Variants in HERC1 observed in about 807,000 individuals in gnomAD.
HERC1 encodes probable E3 ubiquitin-protein ligase HERC1.
HERC1 carries 160 observed loss-of-function variants against 554.3 expected under a neutral mutation model. That is an observed-to-expected ratio of 0.29 (90% CI 0.25 to 0.33). HERC1 has a LOEUF of 0.33. HERC1 is among the 10% of genes least tolerant of loss of function. HERC1 has a pLI of 1.00. For missense variants in HERC1, 4,919 were observed against 5,918.5 expected (o/e 0.83, Z 5.54); for synonymous variants, 2,175 against 2,131.7 (o/e 1.02, Z -0.56).
chr15:63,770,428 C>T lies in HERC1; in HGVS notation c.930+4266G>A, dbSNP rs558141977. Among the ~76,000 whole-genome samples the T allele has an allele frequency of 2.0e-5, 3 of 152,326 alleles. No individual in the cohort carries two copies. In the South Asian group the frequency reaches 6.2e-4, roughly 32 times the overall value. On this transcript the variant is annotated intron_variant, in intron 2 of 77. Coordinates refer to ENST00000443617, the MANE Select transcript of HERC1 (RefSeq NM_003922.4). ...CATTACACTGTGGGCTGTCTAAAGA[C>T]ATGGATGCTCCAAAGCTTATTCATC... is the stretch of plus-strand genomic sequence containing the variant.
In HERC1 at chr15:63,713,657, G is replaced by T; in HGVS notation, c.4159C>A (p.Gln1387Lys). ...ACTTCACGGGCTGAGAGGAAACACT[G>T]AAAGATTTCTGTAACATGCAACACA... ...HEVMTAGKIF[Q>K]CFLSAREVAR... The change falls in exon 23 of 78, where the codon CAG (glutamine) becomes AAG (lysine). Residue 1387 changes from glutamine (Q) to lysine (K), a missense_variant. Coordinates refer to ENST00000443617, the MANE Select transcript of HERC1 (RefSeq NM_003922.4). 6.2e-7 allele frequency: 1 copy of T among 1,608,130 alleles called. No homozygotes were observed. Among genetic ancestry groups the T allele is most frequent in the Admixed American group, 1.7e-5 (1 of 59,232 alleles).
chr15:63,829,559 G>GTATATATATATATATATA (rs1316907768), intron 1 of HERC1, among the ~76,000 whole-genome samples: 1 of 94,678 alleles, frequency 1.1e-5, no homozygotes. Context: ...GTGTGTGTGT[G>GTATATATATATATATATA]TGTATATATA....
rs1226881359 is a variant in HERC1 at position 63,826,811 on chromosome 15, A to T, written c.-27+7016T>A. Among the ~76,000 whole-genome samples, 12 of 66,962 alleles carry T rather than the reference A, an allele frequency of 1.8e-4. 1 individual carries two copies. Among genetic ancestry groups the T allele is most frequent in the South Asian group, 1.2e-3 (3 of 2,494 alleles). 43.9% of individuals were successfully genotyped at this position (66,962 alleles called of 152,430 possible). On this transcript the variant is annotated intron_variant, in intron 1 of 77. Transcript: ENST00000443617. Reference sequence around the variant, plus strand: ...AAAAAAAAAAAAAAAAAAAAAAAAAAAAAATATATATATATATATATATAT... The same window carrying T: ...AAAAAAAAAAAAAAAAAAAAAAAAATAAAATATATATATATATATATATAT...
At chr15:63,660,748 A>T (rs2070313269) in intron 46 of HERC1, among the ~76,000 whole-genome samples, 1 of 152,204 alleles carries the variant, frequency 6.6e-6, no homozygotes, top group Non-Finnish European at 1.5e-5. Context: ...ATAGAAATTA[A>T]TATTCTGTGG....
intron 1 of HERC1, among the ~76,000 whole-genome samples, chr15:63,782,135 C>G (rs1255711791): frequency 6.6e-6 from 1 of 152,182 alleles, no homozygotes; most frequent in Non-Finnish European, 1.5e-5. Flanking sequence ...GAATATCTAC[C>G]TAAGGTAACT....
intron 53 of HERC1, 39 bp downstream of exon 53, chr15:63,651,214 C>T: frequency 6.3e-7 from 1 of 1,598,476 alleles, no homozygotes; most frequent in Non-Finnish European, 8.5e-7. Flanking sequence ...CTTTAAAAAA[C>T]TACTTTCAGC....
intron 42 of HERC1, 135 bp from the exon 43 acceptor site, chr15:63,664,729 A>G (rs1461756755): frequency 2.8e-6 from 2 of 721,730 alleles, no homozygotes; most frequent in Non-Finnish European, 4.4e-6. Context: ...TTTGAAACAC[A>G]TCTTTATCCC....
chr15:63,690,578 G>A lies in HERC1; in HGVS notation c.5900C>T (p.Ala1967Val). The A allele has an allele frequency of 6.2e-7, 1 of 1,613,092 alleles. No individual in the cohort carries two copies. Among genetic ancestry groups the A allele is most frequent in the Non-Finnish European group, 8.5e-7 (1 of 1,179,266 alleles). Residue 1967 changes from alanine to valine, a missense_variant, in exon 32 of 78, where the codon GCT becomes GTT. Physicochemically the swap from Ala to Val is moderately conservative, Grantham distance 64. Around this residue, in one of 11 missense-constraint regions of HERC1, gnomAD observed 1,121 missense variants for 1,244.0 expected, o/e 0.90. Coordinates refer to ENST00000443617, the MANE Select transcript of HERC1 (RefSeq NM_003922.4). Reference sequence around the variant, plus strand: ...ATCATCTTCTACACCAGATTCACAAGCTGGCAGCACAGCTTCAAGGACATG... The same window carrying A: ...ATCATCTTCTACACCAGATTCACAAACTGGCAGCACAGCTTCAAGGACATG... The part of the protein sequence containing the change: ...ALHVLEAVLP[A>V]CESGVEDDQM...
chr15:63,807,032 C>T (rs189970091), intron 1 of HERC1, among the ~76,000 whole-genome samples: 3 of 152,362 alleles, frequency 2.0e-5, no homozygotes, highest in Admixed American at 6.5e-5. Flanking sequence ...AGGCATGAGC[C>T]ACCACACCCG....
intron 16 of HERC1, 124 bp downstream of exon 16, chr15:63,729,112 T>C (rs1039779112): frequency 1.1e-5 from 10 of 893,478 alleles, no homozygotes; most frequent in African/African-American, 8.5e-5. Flanking sequence ...AAAGGAATCT[T>C]CAATAGAAGG....
At chr15:63,711,870 T>C (rs1178604469) in intron 24 of HERC1, among the ~76,000 whole-genome samples, 2 of 152,162 alleles carry the variant, frequency 1.3e-5, no homozygotes, top group Non-Finnish European at 2.9e-5. Flanking sequence ...AGGGAGGTCA[T>C]AGCACATATA....
In HERC1 at chr15:63,645,615, C is replaced by A. The variant is rs1290690194; in HGVS notation, c.10946G>T (p.Ser3649Ile). ...CGAAATAGAGCCCCAGAGTTTCACA[C>A]TGTCTTCTTTGGCACATGTCATAAG... is the stretch of plus-strand genomic sequence containing the variant. ...HILMTCAKED[S>I]VKLWGSISGC... Residue 3649 changes from serine (S) to isoleucine (I), a missense_variant, in exon 56 of 78, where the codon AGT (serine) becomes ATT (isoleucine). Transcript: ENST00000443617. 6.2e-7 allele frequency: 1 copy of A among 1,612,390 alleles called. No homozygotes were observed. The highest frequency in any genetic ancestry group is 1.7e-5 in the Admixed American group (1 of 59,824).
intron 25 of HERC1, 76 bp downstream of exon 25, chr15:63,706,703 AT>A: frequency 1.3e-6 from 1 of 792,338 alleles, no homozygotes; most frequent in Non-Finnish European, 1.9e-6. Flanking sequence ...TTCTTAATTT[AT>A]TTACTATGCT....
At chr15:63,684,764 T>C (rs1013741488) in intron 34 of HERC1, among the ~76,000 whole-genome samples, 1 of 152,166 alleles carries the variant, frequency 6.6e-6, no homozygotes, top group Non-Finnish European at 1.5e-5. Flanking sequence ...TCCCAGCACT[T>C]TGGGAAGCCA....
chr15:63,833,396 G>T, intron 1 of HERC1, among the ~76,000 whole-genome samples: 1 of 152,136 alleles, frequency 6.6e-6, no homozygotes, highest in East Asian at 1.9e-4. Flanking sequence ...ACCCTGAGAG[G>T]GAGTCGGCCG....
At chr15:63,697,391 C>T (rs941718265) in intron 26 of HERC1, among the ~76,000 whole-genome samples, 1 of 150,902 alleles carries the variant, frequency 6.6e-6, no homozygotes, top group African/African-American at 2.4e-5. Context: ...AAGAATACCA[C>T]ATAAAGTGTT....
At chr15:63,831,477 T>C (rs982940050) in intron 1 of HERC1, among the ~76,000 whole-genome samples, 12 of 152,230 alleles carry the variant, frequency 7.9e-5, no homozygotes, top group African/African-American at 2.7e-4. Flanking sequence ...TGCTATTATA[T>C]AGTTATCCAA....
chr15:63,655,918 G>A lies in HERC1; in HGVS notation c.9908C>T (p.Thr3303Ile). 1 of 1,613,106 alleles carries A rather than the reference G, an allele frequency of 6.2e-7. No homozygotes were observed. The highest frequency in any genetic ancestry group is 8.5e-7 in the Non-Finnish European group (1 of 1,179,542). The change falls in exon 50 of 78, where the codon ACA (threonine) becomes ATA (isoleucine). Residue 3303 changes from threonine to isoleucine, a missense_variant. Physicochemically the swap from Thr to Ile is moderately conservative, Grantham distance 89. Around this residue, in one of 11 missense-constraint regions of HERC1, gnomAD observed 1,963 missense variants for 2,228.6 expected, o/e 0.88. Transcript: ENST00000443617. Reference protein sequence around the residue: ...ISAATGVNLTTVDDSIQRKFL... With the variant: ...ISAATGVNLTIVDDSIQRKFL... ...CTTTCGCTGAATTGAGTCATCAACT[G>A]TGGTTAGATTTACACCTGTTGCAGC... is the stretch of plus-strand genomic sequence containing the variant.
intron 55 of HERC1, among the ~76,000 whole-genome samples, chr15:63,647,766 AT>A (rs1304459694): frequency 6.6e-6 from 1 of 152,116 alleles, no homozygotes; most frequent in Non-Finnish European, 1.5e-5. Flanking sequence ...CAAATATTAC[AT>A]TTTTTTCACT....
Sources: gnomAD v4.1 joint callset for allele counts (sites outside exome capture counted in the v4.1 genomes callset) on GRCh38, gnomAD v4.1.1 for gene constraint, gnomAD v4.1.1 regional missense constraint, MANE v1.5 for transcripts, NCBI Gene and HGNC (gene_info 2026-07-23, HGNC 2026-07-21) for gene names.